XPNPEP3: variants seen among roughly 807,000 people sequenced by gnomAD.
XPNPEP3 encodes X-prolyl aminopeptidase 3.
XPNPEP3 carries 41 observed loss-of-function variants against 60.0 expected under a neutral mutation model. That is an observed-to-expected ratio of 0.68 (90% CI 0.53 to 0.89). The LOEUF (loss-of-function observed/expected upper bound fraction) is 0.89, where lower values mean the gene tolerates loss of function less well. Among genes scored for constraint, XPNPEP3 ranks in the 40% least tolerant of loss-of-function variants. XPNPEP3 has a pLI of 0.00. For synonymous variants in XPNPEP3, 212 were observed against 223.2 expected (o/e 0.95, Z 0.45); for missense variants, 598 against 638.9 (o/e 0.94, Z 0.69).
chr22:40,857,438 G>A (rs1347591785), intron 1 of XPNPEP3, among the ~76,000 whole-genome samples, 193 bp downstream of exon 1: 1 of 152,240 alleles, frequency 6.6e-6, no homozygotes, highest in Non-Finnish European at 1.5e-5. Context: ...CTACCGTTGA[G>A]GTATTTTGTG....
intron 1 of XPNPEP3, 75 bp downstream of exon 1, chr22:40,857,320 G>A: frequency 5.8e-6 from 9 of 1,551,236 alleles, no homozygotes; most frequent in Non-Finnish European, 7.9e-6. Context: ...GCGATCCCTG[G>A]TTCGGCTGAC....
chr22:40,913,437 CAA>C (rs900190983), intron 6 of XPNPEP3, among the ~76,000 whole-genome samples: 39 of 79,624 alleles, frequency 4.9e-4, no homozygotes, highest in Non-Finnish European at 3.4e-4. Flanking sequence ...GACTCTGTCT[CAA>C]AAAAAAAAAA....
intron 4 of XPNPEP3, among the ~76,000 whole-genome samples, chr22:40,906,665 T>C (rs1158258467): frequency 6.6e-6 from 1 of 152,222 alleles, no homozygotes; most frequent in Non-Finnish European, 1.5e-5. Context: ...AACGTTGCTA[T>C]AGACTAGGCC....
At chr22:40,911,424 G>A (rs2058176766) in intron 6 of XPNPEP3, among the ~76,000 whole-genome samples, 1 of 151,764 alleles carries the variant, frequency 6.6e-6, no homozygotes, top group Non-Finnish European at 1.5e-5. Flanking sequence ...TTGAATTAAT[G>A]TTTCTTGAAA....
chr22:40,876,494 G>C (rs1214803872), intron 2 of XPNPEP3, among the ~76,000 whole-genome samples: 1 of 152,212 alleles, frequency 6.6e-6, no homozygotes, highest in Non-Finnish European at 1.5e-5. Context: ...CAGTGCTATT[G>C]TTATTTCCAT....
intron 2 of XPNPEP3, among the ~76,000 whole-genome samples, chr22:40,871,242 A>C (rs1323631681): frequency 6.6e-6 from 1 of 151,952 alleles, no homozygotes; most frequent in Non-Finnish European, 1.5e-5. Flanking sequence ...AGTCTCAGCT[A>C]CTCGGGGGAC....
In XPNPEP3 at chr22:40,926,496, C is replaced by A; in HGVS notation, c.*61C>A. 5 of 1,581,818 alleles carry A rather than the reference C, an allele frequency of 3.2e-6. No homozygotes were observed. Among genetic ancestry groups the A allele is most frequent in the Non-Finnish European group, 4.3e-6 (5 of 1,152,032 alleles). ...ATGGGTGTCTTCTGGCAGCCCTGCA[C>A]GTGTGCTTTCTGAGTGTCTCTGTGT... On this transcript the variant is annotated 3_prime_UTR_variant, in exon 10 of 10. Transcript: ENST00000357137.
intron 4 of XPNPEP3, among the ~76,000 whole-genome samples, chr22:40,903,137 A>G (rs1168280027): frequency 6.6e-6 from 1 of 152,210 alleles, no homozygotes; most frequent in Non-Finnish European, 1.5e-5. Flanking sequence ...ACTGTTTATC[A>G]GTATGCTTCA....
intron 1 of XPNPEP3, chr22:40,861,250 G>T (rs1267074970): frequency 6.2e-7 from 1 of 1,614,018 alleles, no homozygotes; most frequent in Non-Finnish European, 8.5e-7. Flanking sequence ...TGAGAATTTG[G>T]TGAATAGTTG....
At chr22:40,860,854 C>T in intron 1 of XPNPEP3, 2 of 659,486 alleles carry the variant, frequency 3.0e-6, no homozygotes, top group Non-Finnish European at 2.5e-6. Context: ...TCTCACTATA[C>T]TGCCCAGGCA....
intron 4 of XPNPEP3, among the ~76,000 whole-genome samples, chr22:40,903,315 A>G (rs1396856927): frequency 2.0e-5 from 3 of 152,146 alleles, no homozygotes; most frequent in East Asian, 3.8e-4. Flanking sequence ...GTTTTCCTTA[A>G]CCATTCCTCA....
chr22:40,919,920 C>G (rs926434129), intron 7 of XPNPEP3, among the ~76,000 whole-genome samples: 6 of 152,246 alleles, frequency 3.9e-5, no homozygotes, highest in Admixed American at 3.9e-4. Context: ...CAACCTTCTA[C>G]CCTCACTGAG....
intron 3 of XPNPEP3, 32 bp downstream of exon 3, chr22:40,882,209 A>T (rs1394509692): frequency 1.2e-6 from 2 of 1,612,942 alleles, no homozygotes; most frequent in African/African-American, 2.7e-5. Flanking sequence ...CACATTACAA[A>T]CCAGATTGGG....
chr22:40,858,465 C>T (rs1601482297), intron 1 of XPNPEP3, among the ~76,000 whole-genome samples: 1 of 150,338 alleles, frequency 6.7e-6, no homozygotes, highest in Admixed American at 6.6e-5. Context: ...AGGCACAGAA[C>T]TCTAAAACGG....
At chr22:40,904,773 T>A (rs986632462) in intron 4 of XPNPEP3, among the ~76,000 whole-genome samples, 3 of 152,228 alleles carry the variant, frequency 2.0e-5, no homozygotes, top group African/African-American at 4.8e-5. Context: ...TTAATTTTTT[T>A]ATTTTTTTTG....
intron 8 of XPNPEP3, among the ~76,000 whole-genome samples, chr22:40,922,715 G>GAT (rs200274892): frequency 1.3e-5 from 2 of 149,246 alleles, no homozygotes; most frequent in African/African-American, 5.0e-5. Context: ...TATACATGTA[G>GAT]ATATATACAC....
intron 1 of XPNPEP3, among the ~76,000 whole-genome samples, chr22:40,858,104 G>A (rs368839134): frequency 2.0e-5 from 3 of 152,176 alleles, no homozygotes; most frequent in African/African-American, 7.2e-5. Flanking sequence ...AGAAAGATGT[G>A]CAATTTTTCA....
At chr22:40,860,813 G>T (rs2057939415) in intron 1 of XPNPEP3, 6 of 635,292 alleles carry the variant, frequency 9.4e-6, no homozygotes, top group African/African-American at 1.9e-5. Context: ...ACCACACTTG[G>T]CTAATTTTTA....
intron 4 of XPNPEP3, among the ~76,000 whole-genome samples, chr22:40,899,692 G>A (rs895495267): frequency 4.6e-5 from 7 of 151,866 alleles, no homozygotes; most frequent in Admixed American, 6.6e-5. Context: ...GGTGGTGGGC[G>A]CCTGTAATCC....
Sources: gnomAD v4.1 joint callset for allele counts (sites outside exome capture counted in the v4.1 genomes callset) on GRCh38, gnomAD v4.1.1 for gene constraint, MANE v1.5 for transcripts, NCBI Gene and HGNC (gene_info 2026-07-23, HGNC 2026-07-21) for gene names.